PCSK6: variants seen among roughly 807,000 people sequenced by gnomAD.
PCSK6 encodes paired basic amino acid cleaving enzyme 4.
Under a neutral mutation model 123.3 loss-of-function variants are expected in PCSK6, and 85 were observed. That is an observed-to-expected ratio of 0.69 (90% confidence interval 0.58 to 0.83). The LOEUF is 0.83. Among genes scored for constraint, PCSK6 ranks in the 40% least tolerant of loss-of-function variants. The pLI is 0.00. For missense variants in PCSK6, 1,191 were observed against 1,282.3 expected, an observed-to-expected ratio of 0.93 and a Z score of 1.09; for synonymous variants, 508 against 516.0, an observed-to-expected ratio of 0.98 and a Z score of 0.21.
intron 1 of PCSK6, among the ~76,000 whole-genome samples, chr15:101,451,963 G>T (rs1361963581): frequency 6.6e-6 from 1 of 152,196 alleles, no homozygotes; most frequent in Non-Finnish European, 1.5e-5. Context: ...GAGAGAGAGA[G>T]AATGGACATT....
intron 1 of PCSK6, among the ~76,000 whole-genome samples, chr15:101,444,220 T>C (rs1283644495): frequency 1.3e-5 from 2 of 152,220 alleles, no homozygotes; most frequent in African/African-American, 4.8e-5. Flanking sequence ...CCCAATTTTC[T>C]GCCAGGGGCA....
intron 1 of PCSK6, among the ~76,000 whole-genome samples, chr15:101,489,009 T>G (rs1339128627): frequency 6.7e-6 from 1 of 149,700 alleles, no homozygotes. Flanking sequence ...GCGCGACGCC[T>G]GAGGCAGCCC....
At chr15:101,363,698 C>T (rs1177932420) in intron 13 of PCSK6, among the ~76,000 whole-genome samples, 7 of 151,624 alleles carry the variant, frequency 4.6e-5, no homozygotes, top group Non-Finnish European at 7.4e-5. Context: ...GGTGCGATCT[C>T]GGCTCACTGT....
intron 1 of PCSK6, among the ~76,000 whole-genome samples, chr15:101,477,213 T>G (rs1459601570): frequency 6.6e-6 from 1 of 152,166 alleles, no homozygotes; most frequent in Non-Finnish European, 1.5e-5. Flanking sequence ...CAATCCTATT[T>G]GTATAAGACA....
chr15:101,486,669 A>G (rs1451171402), intron 1 of PCSK6, among the ~76,000 whole-genome samples: 3 of 152,228 alleles, frequency 2.0e-5, no homozygotes, highest in East Asian at 3.8e-4. Flanking sequence ...CCATGACACA[A>G]GAAAGGTGAA....
intron 1 of PCSK6, among the ~76,000 whole-genome samples, chr15:101,445,398 A>G (rs1380501623): frequency 6.6e-6 from 1 of 152,208 alleles, no homozygotes; most frequent in Non-Finnish European, 1.5e-5. Context: ...CGTGTGAAAG[A>G]GCTAGCAGAG....
intron 6 of PCSK6, among the ~76,000 whole-genome samples, chr15:101,423,734 C>T (rs1049081174): frequency 6.6e-6 from 1 of 151,988 alleles, no homozygotes; most frequent in Admixed American, 6.6e-5. Flanking sequence ...ACTGTGCCCA[C>T]AGAGAGTAGA....
rs751618045 is a variant in PCSK6, at chr15:101,326,499, C to T, written c.2078-20G>A. ...ACACACCTTAAAGAAACAAGCATTG[C>T]CTTTCATCCAGAGAGACGCCTTCTC... is the stretch of plus-strand genomic sequence containing the variant. On this transcript the variant is annotated intron_variant, in intron 15 of 21. Transcript: ENST00000611716. 11 of 1,555,682 alleles carry T rather than the reference C, an allele frequency of 7.1e-6. No homozygotes were observed. The South Asian group carries it at 1.1e-4, about 15-fold the overall frequency.
chr15:101,428,616 A>G (rs55792173), intron 5 of PCSK6, among the ~76,000 whole-genome samples: 21,307 of 152,212 alleles, frequency 0.14, 1,697 homozygotes, highest in African/African-American at 0.19. Context: ...TAATGACCCC[A>G]TTCTCTGATG....
chr15:101,471,058 A>C (rs1443704496), intron 1 of PCSK6, among the ~76,000 whole-genome samples: 1 of 152,170 alleles, frequency 6.6e-6, no homozygotes, highest in African/African-American at 2.4e-5. Flanking sequence ...TCCTTAAACC[A>C]CGGACTCTGC....
rs1291384803 is a variant in PCSK6, at chr15:101,489,696, C to G, written c.-26G>C. 3.1e-6 allele frequency: 3 copies of G among 956,128 alleles called. No homozygotes were observed. Among genetic ancestry groups the G allele is most frequent in the Non-Finnish European group, 3.7e-6 (3 of 806,514 alleles). 59.2% of individuals were successfully genotyped at this position (956,128 alleles called of 1,614,324 possible). Reference sequence around the variant, plus strand: ...AGCGGCGACAGGCTCGCGCGGCGCCCGAGCTGCGAGTGCGCCGGGGGGTGG... The same window carrying G: ...AGCGGCGACAGGCTCGCGCGGCGCCGGAGCTGCGAGTGCGCCGGGGGGTGG... On this transcript the variant is annotated 5_prime_UTR_variant, in exon 1 of 22. Transcript: ENST00000611716.
At chr15:101,454,699 G>A (rs558998767) in intron 1 of PCSK6, among the ~76,000 whole-genome samples, 110 of 152,186 alleles carry the variant, frequency 7.2e-4, no homozygotes, top group Middle Eastern at 3.4e-3. Flanking sequence ...CCAGCACTTT[G>A]GGAGGCCGAG....
chr15:101,394,820 GC>G (rs755515212), intron 7 of PCSK6, among the ~76,000 whole-genome samples: 16 of 152,204 alleles, frequency 1.1e-4, no homozygotes, highest in Non-Finnish European at 2.1e-4. Context: ...TCCCAAGAAA[GC>G]CCACAGGAAA....
chr15:101,382,642 C>CT (rs1392224771), intron 10 of PCSK6, among the ~76,000 whole-genome samples: 2 of 152,172 alleles, frequency 1.3e-5, no homozygotes, highest in East Asian at 3.8e-4. Flanking sequence ...TAACACAAGG[C>CT]TGTACTCATC....
chr15:101,395,490 AC>A (rs2141562857), intron 7 of PCSK6, among the ~76,000 whole-genome samples: 1 of 152,326 alleles, frequency 6.6e-6, no homozygotes, highest in African/African-American at 2.4e-5. Flanking sequence ...GGTACCAACA[AC>A]CTTTCCCCTC....
At chr15:101,379,413 C>T (rs1175562311) in intron 11 of PCSK6, among the ~76,000 whole-genome samples, 1 of 152,210 alleles carries the variant, frequency 6.6e-6, no homozygotes, top group Non-Finnish European at 1.5e-5. Context: ...GTGAACACAG[C>T]TGTCTGACCT....
intron 15 of PCSK6, among the ~76,000 whole-genome samples, chr15:101,327,702 C>T (rs1326495650): frequency 1.3e-5 from 2 of 152,194 alleles, no homozygotes; most frequent in African/African-American, 2.4e-5. Context: ...TGGGGTTTTG[C>T]TGGGGCACGC....
chr15:101,324,771 T>C, intron 17 of PCSK6, 79 bp downstream of exon 17: 3 of 1,213,304 alleles, frequency 2.5e-6, no homozygotes, highest in Non-Finnish European at 3.5e-6. Flanking sequence ...GGCTGGGAAA[T>C]TCTCCCTGGA....
chr15:101,335,022 C>T (rs1177563247), intron 13 of PCSK6, among the ~76,000 whole-genome samples: 5 of 152,192 alleles, frequency 3.3e-5, no homozygotes, highest in Middle Eastern at 3.2e-3. Context: ...TACAGTGGTA[C>T]GATCATGGCT....
Sources: allele counts gnomAD v4.1 joint callset (sites outside exome capture counted in the v4.1 genomes callset), GRCh38; gene constraint gnomAD v4.1.1; transcripts MANE v1.5; gene names NCBI Gene and HGNC (gene_info 2026-07-23, HGNC 2026-07-21).